SLCO3A1: variants seen among roughly 807,000 people sequenced by gnomAD.
SLCO3A1 encodes the protein PGE1 transporter.
SLCO3A1 carries 27 observed loss-of-function variants against 63.1 expected under a neutral mutation model. The ratio of observed to expected loss-of-function variants is 0.43; its 90% CI spans 0.32 to 0.59. The LOEUF (loss-of-function observed/expected upper bound fraction) is 0.59, where lower values mean the gene tolerates loss of function less well. SLCO3A1 is among the 20% of genes least tolerant of loss of function. The pLI, the probability that SLCO3A1 is intolerant of heterozygous loss-of-function variation, is 0.09. For missense variants in SLCO3A1, 773 were observed against 945.8 expected (o/e 0.82, Z 2.40); for synonymous variants, 473 against 409.9 (o/e 1.15, Z -1.86).
At chr15:92,167,910 C>G (rs2048502051), downstream of SLCO3A1, among the ~76,000 whole-genome samples, 1 of 152,192 alleles carries the variant, frequency 6.6e-6, no homozygotes, top group Non-Finnish European at 1.5e-5. Flanking sequence ...TCACACTTCT[C>G]AGAGACTATC....
intron 2 of SLCO3A1, among the ~76,000 whole-genome samples, chr15:91,986,947 G>A (rs1026312725): frequency 2.6e-5 from 4 of 152,202 alleles, no homozygotes; most frequent in Non-Finnish European, 5.9e-5. Flanking sequence ...CAGCGGTCAA[G>A]AGAGAGGAAG....
At chr15:92,072,540 A>G (rs529583743) in intron 2 of SLCO3A1, among the ~76,000 whole-genome samples, 39 of 152,294 alleles carry the variant, frequency 2.6e-4, no homozygotes, top group Non-Finnish European at 5.4e-4. Context: ...CAAAAACTGT[A>G]TTTTTGTCCA....
At chr15:91,993,645 C>T (rs1219283360) in intron 2 of SLCO3A1, among the ~76,000 whole-genome samples, 1 of 152,144 alleles carries the variant, frequency 6.6e-6, no homozygotes, top group Non-Finnish European at 1.5e-5. Context: ...TAGACTTGGT[C>T]CATGGTAGCC....
At position 92,163,435 on chromosome 15, in the gene SLCO3A1, C is replaced by A. The variant is rs2048465338; in HGVS notation, c.*300C>A. 1 of 1,064,038 alleles carries A rather than the reference C, an allele frequency of 9.4e-7. No individual in the cohort carries two copies. Among genetic ancestry groups the A allele is most frequent in the Admixed American group, 5.3e-5 (1 of 18,694 alleles). The allele number at this position is 1,064,038 out of a possible 1,614,324, so 65.9% of individuals were successfully genotyped here. Reference sequence around the variant, plus strand: ...TCAGGATGCTGACAGCTGCAAGCAACAGGCACTGCCAAATTCAGGGAACAG... The same window carrying A: ...TCAGGATGCTGACAGCTGCAAGCAAAAGGCACTGCCAAATTCAGGGAACAG... On this transcript the variant is annotated 3_prime_UTR_variant, in exon 10 of 10. Coordinates refer to ENST00000318445, the MANE Select transcript of SLCO3A1 (RefSeq NM_013272.4).
intron 2 of SLCO3A1, among the ~76,000 whole-genome samples, chr15:92,022,539 A>T (rs546514727): frequency 6.6e-6 from 1 of 152,212 alleles, no homozygotes; most frequent in Admixed American, 6.5e-5. Context: ...CTGCCTTATT[A>T]CAAAACGCTC....
chr15:92,079,549 C>T (rs1297633290), intron 2 of SLCO3A1, among the ~76,000 whole-genome samples: 1 of 152,242 alleles, frequency 6.6e-6, no homozygotes, highest in Non-Finnish European at 1.5e-5. Context: ...GGACACCCAT[C>T]AGATTAGGGC....
At chr15:92,021,305 A>G (rs1293332968) in intron 2 of SLCO3A1, among the ~76,000 whole-genome samples, 1 of 152,118 alleles carries the variant, frequency 6.6e-6, no homozygotes, top group African/African-American at 2.4e-5. Context: ...TTCTGTATAC[A>G]TTTCTCATGT....
chr15:92,001,142 A>G (rs1484717475), intron 2 of SLCO3A1, among the ~76,000 whole-genome samples: 1 of 148,104 alleles, frequency 6.8e-6, no homozygotes, highest in African/African-American at 2.5e-5. Flanking sequence ...AGAAAAATTT[A>G]CAACCTTAAA....
rs1897087451 is a variant in SLCO3A1 at position 91,863,162 on chromosome 15, C to T, written c.180+9074C>T. Among the ~76,000 whole-genome samples the T allele has an allele frequency of 6.6e-6, 1 of 152,232 alleles. No homozygotes were observed. The highest frequency in any genetic ancestry group is 2.1e-4 in the South Asian group (1 of 4,836). On this transcript the variant is annotated intron_variant, in intron 1 of 9. Transcript: ENST00000318445. This position sits in a 1 kb window ranked among gnomAD's most constrained non-coding sequence, Gnocchi z 4.3. ...GTAAGATTCAATTATGGTGATCCAA[C>T]CTGTAAAATAAACAGTGGGGCTGAT...
chr15:92,154,493 G>C (rs978312680), intron 9 of SLCO3A1, among the ~76,000 whole-genome samples: 3 of 152,190 alleles, frequency 2.0e-5, no homozygotes, highest in Non-Finnish European at 4.4e-5. Flanking sequence ...AGGTGGATGT[G>C]GCCAGTGTCT....
At chr15:92,140,267 T>C (rs2048113113) in intron 7 of SLCO3A1, among the ~76,000 whole-genome samples, 1 of 136,834 alleles carries the variant, frequency 7.3e-6, no homozygotes, top group South Asian at 2.6e-4. Flanking sequence ...GGTTGTTCAG[T>C]TTCCATGTAG....
At chr15:91,871,371 G>T (rs142311645) in intron 1 of SLCO3A1, among the ~76,000 whole-genome samples, 1 of 152,216 alleles carries the variant, frequency 6.6e-6, no homozygotes. Flanking sequence ...CTTCCTGTGT[G>T]GGGGGCACAC....
chr15:91,906,263 G>T (rs979835651), intron 1 of SLCO3A1, among the ~76,000 whole-genome samples: 1 of 152,144 alleles, frequency 6.6e-6, no homozygotes, highest in South Asian at 2.1e-4. Flanking sequence ...GTTACTAGGG[G>T]CTAACTAACT....
intron 2 of SLCO3A1, among the ~76,000 whole-genome samples, chr15:91,921,135 G>C (rs1898830349): frequency 6.6e-6 from 1 of 152,208 alleles, no homozygotes; most frequent in Admixed American, 6.5e-5. Context: ...AGGTGCCACA[G>C]GGTTGGCGTC....
At chr15:92,049,539 A>T (rs945302247) in intron 2 of SLCO3A1, among the ~76,000 whole-genome samples, 1 of 152,210 alleles carries the variant, frequency 6.6e-6, no homozygotes, top group Non-Finnish European at 1.5e-5. Flanking sequence ...ACCAGTGCCT[A>T]GGCCACAGCA....
chr15:92,120,661 C>A, intron 5 of SLCO3A1, 32 bp downstream of exon 5: 2 of 1,557,904 alleles, frequency 1.3e-6, no homozygotes, highest in East Asian at 2.3e-5. Context: ...CTGAGAGGGT[C>A]GGGGGAGGGT....
intron 2 of SLCO3A1, among the ~76,000 whole-genome samples, chr15:92,058,468 T>C (rs1031414539): frequency 3.3e-5 from 5 of 152,110 alleles, no homozygotes; most frequent in Non-Finnish European, 5.9e-5. Flanking sequence ...CAGATGACCT[T>C]GAAGATAGGA....
intron 2 of SLCO3A1, among the ~76,000 whole-genome samples, chr15:92,093,146 A>G (rs1157981806): frequency 1.3e-5 from 2 of 152,234 alleles, no homozygotes; most frequent in Non-Finnish European, 1.5e-5. Context: ...GCCTTGCTAT[A>G]AAGAAATACC....
intron 2 of SLCO3A1, among the ~76,000 whole-genome samples, chr15:92,057,856 A>G (rs2047040101): frequency 1.3e-5 from 2 of 152,206 alleles, no homozygotes; most frequent in Non-Finnish European, 2.9e-5. Flanking sequence ...CAGAACCTGA[A>G]TGTGGACCCA....
Sources: gnomAD v4.1 joint callset for allele counts (sites outside exome capture counted in the v4.1 genomes callset) on GRCh38, gnomAD v4.1.1 for gene constraint, Gnocchi (gnomAD v3.1) non-coding constraint, MANE v1.5 for transcripts, NCBI Gene and HGNC (gene_info 2026-07-23, HGNC 2026-07-21) for gene names.